PRSS3: variants seen among roughly 807,000 people sequenced by gnomAD.
PRSS3 encodes the protein serine protease 3, also known as trypsin-3.
A neutral mutation model predicts 20.8 loss-of-function variants in PRSS3; 14 were observed. The ratio of observed to expected loss-of-function variants is 0.67; its 90% confidence interval spans 0.44 to 1.05. The LOEUF (loss-of-function observed/expected upper bound fraction) is 1.05, where lower values mean the gene tolerates loss of function less well. Among genes scored for constraint, PRSS3 ranks in the 50% least tolerant of loss-of-function variants. The probability of loss-of-function intolerance (pLI) is 0.00; values close to 1 mark genes in which losing one functional copy is unlikely to be tolerated. For missense variants in PRSS3, 237 were observed against 306.4 expected, an observed-to-expected ratio of 0.77 and a Z score of 1.69; for synonymous variants, 91 against 117.6, an observed-to-expected ratio of 0.77 and a Z score of 1.46.
chr9:33,758,164 G>A (rs1256027965), intron 1 of PRSS3, among the ~76,000 whole-genome samples: 2 of 152,078 alleles, frequency 1.3e-5, no homozygotes, highest in South Asian at 2.1e-4. Flanking sequence ...CTGTTCTAAT[G>A]GTCATTTTTC....
At chr9:33,755,939 A>C (rs1822923480) in intron 1 of PRSS3, among the ~76,000 whole-genome samples, 1 of 152,174 alleles carries the variant, frequency 6.6e-6, no homozygotes, top group Admixed American at 6.5e-5. Context: ...TCTCATTCTA[A>C]ATACATACAT....
At position 33,777,814 on chromosome 9, in the gene PRSS3, G is replaced by A. The variant is rs150755241; in HGVS notation, c.-52-16932G>A. Among the ~76,000 whole-genome samples the A allele has an allele frequency of 3.8e-4, 57 of 151,976 alleles. 1 individual carries two copies. Among genetic ancestry groups the A allele is most frequent in the African/African-American group, 1.3e-3 (54 of 41,498 alleles). On this transcript the variant is annotated intron_variant, in intron 1 of 5. Transcript: ENST00000342836. ...AGAATGACACTAAAACTTAAAGGAC[G>A]GGAGTAGGAAAAACATCTATTAGTT... is the stretch of plus-strand genomic sequence containing the variant.
chr9:33,787,361 A>G (rs1824455117), intron 1 of PRSS3, among the ~76,000 whole-genome samples: 1 of 152,176 alleles, frequency 6.6e-6, no homozygotes, highest in African/African-American at 2.4e-5. Flanking sequence ...CCAGACCAAT[A>G]TAAAATCTGC....
At chr9:33,773,900 A>G (rs1238056327) in intron 1 of PRSS3, among the ~76,000 whole-genome samples, 1 of 152,196 alleles carries the variant, frequency 6.6e-6, no homozygotes, top group African/African-American at 2.4e-5. Context: ...TCAGCCTTCC[A>G]AAGTGCTGGG....
At chr9:33,757,512 G>A (rs988160783) in intron 1 of PRSS3, among the ~76,000 whole-genome samples, 4 of 149,490 alleles carry the variant, frequency 2.7e-5, no homozygotes, top group African/African-American at 9.9e-5. Context: ...TTTAGATCAC[G>A]TGAAGGGAAC....
At chr9:33,763,235 C>T (rs1823279692) in intron 1 of PRSS3, among the ~76,000 whole-genome samples, 2 of 152,218 alleles carry the variant, frequency 1.3e-5, no homozygotes, top group South Asian at 4.1e-4. Flanking sequence ...TCCTCAGGCC[C>T]ATGTGTGAGC....
At chr9:33,771,775 A>AT (rs546350771) in intron 1 of PRSS3, among the ~76,000 whole-genome samples, 5 of 144,406 alleles carry the variant, frequency 3.5e-5, no homozygotes, top group South Asian at 4.4e-4. Context: ...CACCCAGCTA[A>AT]TTTTTTTTCT....
chr9:33,756,636 C>G (rs557708235), intron 1 of PRSS3, among the ~76,000 whole-genome samples: 1 of 152,258 alleles, frequency 6.6e-6, no homozygotes, highest in East Asian at 1.9e-4. Flanking sequence ...TCCAACACTG[C>G]TATTAAATGT....
In PRSS3 at chr9:33,750,922, G is replaced by C; in HGVS notation, c.-53+195G>C. ...CAGGGATGGAGGCTCCTCTAGGGGA[G>C]GACGGGAGGGGATGGAGGGCCCTGG... is the stretch of plus-strand genomic sequence containing the variant. On this transcript the variant is annotated intron_variant, in intron 1 of 5. Coordinates refer to the PRSS3 transcript ENST00000342836. The surrounding 1 kb of genome is among the most constrained non-coding windows in gnomAD (Gnocchi z 4.8). 9 of 1,273,476 alleles carry C rather than the reference G, an allele frequency of 7.1e-6. No homozygotes were observed. Among genetic ancestry groups the C allele is most frequent in the Non-Finnish European group, 9.0e-6 (9 of 999,442 alleles). The allele number at this position is 1,273,476 out of a possible 1,614,324, so 78.9% of individuals were successfully genotyped here. A position where few individuals can be genotyped will look rare whatever the true frequency, so the allele number is the denominator to read the frequency against.
chr9:33,751,801 C>A (rs558022960), intron 1 of PRSS3, among the ~76,000 whole-genome samples: 1 of 152,216 alleles, frequency 6.6e-6, no homozygotes, highest in African/African-American at 2.4e-5. Flanking sequence ...GGGTGTTGTG[C>A]AGTGGGAAAT....
intron 1 of PRSS3, among the ~76,000 whole-genome samples, chr9:33,788,377 G>A (rs1824497256): frequency 6.6e-6 from 1 of 152,148 alleles, no homozygotes; most frequent in African/African-American, 2.4e-5. Context: ...TTCAGAACAA[G>A]GTATTATCTG....
chr9:33,792,886 A>T (rs1017787107), upstream of PRSS3, among the ~76,000 whole-genome samples: 19 of 152,240 alleles, frequency 1.2e-4, no homozygotes, highest in Admixed American at 3.3e-4. Flanking sequence ...AGCCAGAAAG[A>T]TGTCTTAGAG....
At chr9:33,781,134 T>C (rs1361490160) in intron 1 of PRSS3, among the ~76,000 whole-genome samples, 2 of 152,134 alleles carry the variant, frequency 1.3e-5, no homozygotes, top group Non-Finnish European at 2.9e-5. Flanking sequence ...AGTTTGGAGA[T>C]TTCTCAAATA....
At chr9:33,755,975 G>A (rs376266595) in intron 1 of PRSS3, among the ~76,000 whole-genome samples, 1 of 151,826 alleles carries the variant, frequency 6.6e-6, no homozygotes, top group East Asian at 1.9e-4. Flanking sequence ...TTTCTGTCTA[G>A]GCCATCTCTT....
intron 1 of PRSS3, among the ~76,000 whole-genome samples, chr9:33,771,214 A>C (rs1170085030): frequency 6.6e-6 from 1 of 151,942 alleles, no homozygotes; most frequent in Non-Finnish European, 1.5e-5. Flanking sequence ...TCCCTCTTAG[A>C]GCATGTTCTT....
At chr9:33,766,442 A>G (rs1299085581) in intron 1 of PRSS3, among the ~76,000 whole-genome samples, 15 of 146,416 alleles carry the variant, frequency 1.0e-4, no homozygotes, top group East Asian at 1.0e-3. Context: ...GCATGGTGGC[A>G]GGCGCCTGTA....
At chr9:33,778,944 T>G (rs1824061414) in intron 1 of PRSS3, among the ~76,000 whole-genome samples, 1 of 152,234 alleles carries the variant, frequency 6.6e-6, no homozygotes, top group African/African-American at 2.4e-5. Flanking sequence ...CGCCATCTAC[T>G]GGATCACGGC....
intron 1 of PRSS3, among the ~76,000 whole-genome samples, chr9:33,773,266 G>C (rs1330658341): frequency 6.6e-6 from 1 of 152,132 alleles, no homozygotes; most frequent in African/African-American, 2.4e-5. Context: ...AGGATCCAAT[G>C]ATCTCCCTAG....
intron 1 of PRSS3, among the ~76,000 whole-genome samples, chr9:33,785,216 C>T (rs1212841685): frequency 6.3e-5 from 7 of 111,378 alleles, no homozygotes; most frequent in South Asian, 3.4e-4. Context: ...CTCGCTCTGT[C>T]GCCCAGGCTG....
Sources: gnomAD v4.1 joint callset for allele counts (sites outside exome capture counted in the v4.1 genomes callset) on GRCh38, gnomAD v4.1.1 for gene constraint, Gnocchi (gnomAD v3.1) non-coding constraint, MANE v1.5 for transcripts, NCBI Gene and HGNC (gene_info 2026-07-23, HGNC 2026-07-21) for gene names.